Variants in DMD observed in about 807,000 individuals in gnomAD.
DMD encodes the protein dystrophin.
Under a neutral mutation model 330.1 loss-of-function variants are expected in DMD, and 63 were observed. That is an observed-to-expected ratio of 0.19 (90% CI 0.16 to 0.24). The LOEUF is 0.24. Among genes scored for constraint, DMD ranks in the 10% least tolerant of loss-of-function variants. The pLI is 1.00. For missense variants in DMD, 3,344 were observed against 2,684.1 expected, an observed-to-expected ratio of 1.25 and a Z score of -5.43; for synonymous variants, 1,223 against 959.8, an observed-to-expected ratio of 1.27 and a Z score of -5.07.
chrX:31,660,161 A>G (rs2081044246), intron 53 of DMD, among the ~76,000 whole-genome samples: 1 of 112,440 alleles, frequency 8.9e-6, no homozygotes, highest in Non-Finnish European at 1.9e-5. Context: ...TTTGCTATGA[A>G]AGCAGAGGAC....
At chrX:32,293,484 G>A (rs331332) in intron 42 of DMD, among the ~76,000 whole-genome samples, 45,630 of 109,904 alleles carry the variant, frequency 0.42, 6,824 homozygotes, top group Admixed American at 0.57. Flanking sequence ...GGAAAAGTCA[G>A]CTCGGGCAAT....
At position 33,136,642 on chromosome X, in the gene DMD, G is replaced by A. The variant is rs977756147; in HGVS notation, c.31+74640C>T. Among the ~76,000 whole-genome samples, 7 of 110,297 alleles carry A rather than the reference G, an allele frequency of 6.3e-5. No individual in the cohort carries two copies. In the South Asian group the frequency reaches 1.2e-3, roughly 18 times the overall value. Reference sequence around the variant, plus strand: ...AGTGCCCTTATAAAAGAGGCCAAGGGAACTTGTTTGCCCTTCCAGTATGTG... The same window carrying A: ...AGTGCCCTTATAAAAGAGGCCAAGGAAACTTGTTTGCCCTTCCAGTATGTG... On this transcript the variant is annotated intron_variant, in intron 1 of 78. Transcript: ENST00000357033.
chrX:31,761,907 G>A (rs754810456), intron 51 of DMD, among the ~76,000 whole-genome samples: 1 of 112,243 alleles, frequency 8.9e-6, no homozygotes, highest in African/African-American at 3.2e-5. Context: ...ATAGCCAGCT[G>A]CCTATCCGAT....
chrX:32,514,617 T>C (rs777561879), intron 18 of DMD, among the ~76,000 whole-genome samples: 4 of 111,952 alleles, frequency 3.6e-5, no homozygotes, highest in African/African-American at 1.3e-4. Context: ...GGCGGGCGCC[T>C]GTAGTCCCAG....
At chrX:32,514,816 G>A (rs1470821797) in intron 18 of DMD, among the ~76,000 whole-genome samples, 2 of 112,663 alleles carry the variant, frequency 1.8e-5, no homozygotes, top group Admixed American at 9.3e-5. Flanking sequence ...ATGACAGCAG[G>A]TAGCTGAATT....
chrX:32,054,115 G>C (rs1479690002), intron 44 of DMD, among the ~76,000 whole-genome samples: 5 of 105,905 alleles, frequency 4.7e-5, no homozygotes, highest in Non-Finnish European at 7.8e-5. Context: ...GAGAGAGAGA[G>C]AGAGAGAGAG....
intron 59 of DMD, among the ~76,000 whole-genome samples, chrX:31,472,325 T>C (rs1007705934): frequency 8.9e-6 from 1 of 112,020 alleles, no homozygotes; most frequent in African/African-American, 3.2e-5. Flanking sequence ...AAGTTTTCCT[T>C]ACATAACTCA....
chrX:32,892,107 C>T (rs1218741176), intron 2 of DMD, among the ~76,000 whole-genome samples: 4 of 112,023 alleles, frequency 3.6e-5, no homozygotes, highest in African/African-American at 1.3e-4. Context: ...CTCAGTGAGG[C>T]CACAGAACTC....
At chrX:33,212,179 T>G (rs1328014252), upstream of DMD, among the ~76,000 whole-genome samples, 3 of 112,384 alleles carry the variant, frequency 2.7e-5, no homozygotes, top group Non-Finnish European at 5.6e-5. Flanking sequence ...GGAAAGAAAT[T>G]TTTCTCAAAT....
intron 50 of DMD, among the ~76,000 whole-genome samples, chrX:31,793,009 AAGTGGCTCTC>A (rs199722056): frequency 0.015 from 1,684 of 111,285 alleles, 40 homozygotes; most frequent in African/African-American, 0.052. Flanking sequence ...CTGCCGATGA[AAGTGGCTCTC>A]AGTGGGAAGG....
In DMD at chrX:33,128,524, T is replaced by C. The variant is rs112769951; in HGVS notation, c.31+82758A>G. 2,459 of 755,668 alleles carry C rather than the reference T, an allele frequency of 3.3e-3. 53 individuals carry two copies. The African/African-American group carries it at 0.05, about 15-fold the overall frequency. The allele number at this position is 755,668 out of a possible 1,213,427, so 62.3% of individuals were successfully genotyped here. The stretch of plus-strand genomic sequence containing the variant: ...TTCTAATCAGTAACCTCAGTTCCTC[T>C]AGAAATAACTGTGTCGTCTGCTTTA... On this transcript the variant is annotated intron_variant, in intron 1 of 78. Coordinates refer to ENST00000357033, the MANE Select transcript of DMD (RefSeq NM_004006.3).
At chrX:31,729,934 A>G (rs2086374547) in intron 51 of DMD, among the ~76,000 whole-genome samples, 186 bp from the exon 52 acceptor site, 1 of 112,288 alleles carries the variant, frequency 8.9e-6, no homozygotes, top group African/African-American at 3.2e-5. Flanking sequence ...GATATCAAAA[A>G]TATTTCAAAT....
intron 37 of DMD, among the ~76,000 whole-genome samples, chrX:32,355,405 G>A (rs1208357331): frequency 9.0e-6 from 1 of 111,157 alleles, no homozygotes; most frequent in Non-Finnish European, 1.9e-5. Flanking sequence ...AAGCAAAATT[G>A]CTTTACATCT....
intron 1 of DMD, among the ~76,000 whole-genome samples, chrX:33,030,114 G>A (rs2094080756): frequency 9.0e-6 from 1 of 111,087 alleles, no homozygotes; most frequent in Middle Eastern, 4.2e-3. Context: ...AAGACTAAAT[G>A]TGACACATGT....
At chrX:31,481,911 T>C (rs972785757) in intron 57 of DMD, among the ~76,000 whole-genome samples, 1 of 111,418 alleles carries the variant, frequency 9.0e-6, no homozygotes, top group Admixed American at 9.6e-5. Context: ...GAATTAGGAC[T>C]CAGGCCTGTT....
intron 45 of DMD, among the ~76,000 whole-genome samples, chrX:31,957,263 C>T (rs1012701347): frequency 4.5e-5 from 5 of 111,915 alleles, no homozygotes; most frequent in African/African-American, 1.6e-4. Flanking sequence ...CTCCTAAAGT[C>T]CGTTTCCGCT....
chrX:31,510,778 G>C (rs1437397493), intron 55 of DMD, among the ~76,000 whole-genome samples: 1 of 110,668 alleles, frequency 9.0e-6, no homozygotes, highest in Non-Finnish European at 1.9e-5. Context: ...CAAAGTGCTT[G>C]GATTACAGGC....
intron 48 of DMD, among the ~76,000 whole-genome samples, chrX:31,866,579 G>A (rs1348530589): frequency 8.9e-6 from 1 of 112,228 alleles, no homozygotes; most frequent in African/African-American, 3.2e-5. Context: ...AGCTTTGCTA[G>A]TTGGCTATGA....
Position 32,646,938 on chromosome X carries a change from T to C in DMD, c.961-1786A>G, listed in dbSNP as rs911658804. 1.1e-3 allele frequency among the ~76,000 whole-genome samples: 118 copies of C among 111,161 alleles called. 1 individual carries two copies. The highest frequency in any genetic ancestry group is 3.7e-3 in the African/African-American group (112 of 30,605). On this transcript the variant is annotated intron_variant, in intron 9 of 78. Coordinates refer to ENST00000357033, the MANE Select transcript of DMD (RefSeq NM_004006.3). ...TTTGCATGGAACCCTTGTCTAACAG[T>C]AAGGCAATTTCTGAAGGTCTTAGGG...
Sources: allele counts gnomAD v4.1 joint callset (sites outside exome capture counted in the v4.1 genomes callset), GRCh38; gene constraint gnomAD v4.1.1; transcripts MANE v1.5; gene names NCBI Gene and HGNC (gene_info 2026-07-23, HGNC 2026-07-21).